NKAIN3: variants seen among roughly 807,000 people sequenced by gnomAD.
NKAIN3 encodes the protein sodium/potassium transporting ATPase interacting 3.
In NKAIN3, 25 loss-of-function variants were observed where a neutral mutation model predicts 30.2. The observed-to-expected ratio is 0.83, with a 90% CI of 0.60 to 1.16. The LOEUF is 1.16. Ranked by LOEUF, NKAIN3 falls within the 50% of genes most tolerant of loss-of-function variation. The probability of loss-of-function intolerance (pLI) is 0.00; values close to 1 mark genes in which losing one functional copy is unlikely to be tolerated. For missense variants in NKAIN3, 225 were observed against 254.1 expected, an observed-to-expected ratio of 0.89 and a Z score of 0.78; for synonymous variants, 91 against 89.6, an observed-to-expected ratio of 1.02 and a Z score of -0.09.
chr8:62,585,513 T>G (rs1354954469), intron 2 of NKAIN3, among the ~76,000 whole-genome samples: 3 of 152,132 alleles, frequency 2.0e-5, no homozygotes, highest in African/African-American at 4.8e-5. Context: ...TGGAAGACAA[T>G]TTTTCCAGAG....
chr8:62,429,255 G>A (rs1287069064), intron 1 of NKAIN3, among the ~76,000 whole-genome samples: 1 of 151,702 alleles, frequency 6.6e-6, no homozygotes, highest in Non-Finnish European at 1.5e-5. Flanking sequence ...TGTCATATAT[G>A]GCCTTTATTG....
chr8:62,709,475 C>T (rs1337199388), intron 3 of NKAIN3, among the ~76,000 whole-genome samples: 1 of 152,144 alleles, frequency 6.6e-6, no homozygotes, highest in Non-Finnish European at 1.5e-5. Flanking sequence ...AGGAATTTAT[C>T]CATCTCGTCT....
intron 3 of NKAIN3, among the ~76,000 whole-genome samples, chr8:62,597,712 C>T (rs561341805): frequency 5.9e-5 from 9 of 152,004 alleles, no homozygotes; most frequent in African/African-American, 1.7e-4. Flanking sequence ...TCATCATTTT[C>T]GGCACATACT....
intron 4 of NKAIN3, among the ~76,000 whole-genome samples, chr8:62,845,826 TC>T (rs767302727): frequency 2.0e-5 from 3 of 152,072 alleles, no homozygotes; most frequent in Non-Finnish European, 2.9e-5. Context: ...TTCTGACCAA[TC>T]CTTTTTGTTC....
chr8:62,954,786 T>C (rs1823377309), intron 6 of NKAIN3, among the ~76,000 whole-genome samples: 1 of 152,210 alleles, frequency 6.6e-6, no homozygotes, highest in Non-Finnish European at 1.5e-5. Context: ...CTAATTAATA[T>C]TCCCACTTTA....
At chr8:62,863,129 C>T in intron 4 of NKAIN3, 1 of 1,445,768 alleles carries the variant, frequency 6.9e-7, no homozygotes. Flanking sequence ...GAAGGTGCAG[C>T]TGAGGTGATG....
In NKAIN3 at chr8:62,452,586, G is replaced by A. The variant is rs116219794; in HGVS notation, c.55-126953G>A. On this transcript the variant is annotated intron_variant, in intron 1 of 6. Transcript: ENST00000623646. ...CCAATGTGAGGCTTAAATATTGAAG[G>A]TGTTCTCTGGAACACAGTAATTATG... Among the ~76,000 whole-genome samples the A allele has an allele frequency of 6.4e-3, 975 of 152,198 alleles. 10 individuals are homozygous for A. The highest frequency in any genetic ancestry group is 0.023 in the African/African-American group (935 of 41,528).
At chr8:62,682,308 A>G (rs954777109) in intron 3 of NKAIN3, among the ~76,000 whole-genome samples, 1 of 152,086 alleles carries the variant, frequency 6.6e-6, no homozygotes, top group Admixed American at 6.5e-5. Flanking sequence ...GGAGTAGAGG[A>G]AGCAGCAGGA....
intron 3 of NKAIN3, among the ~76,000 whole-genome samples, chr8:62,719,460 C>T (rs1473424429): frequency 1.3e-5 from 2 of 152,168 alleles, no homozygotes; most frequent in Non-Finnish European, 2.9e-5. Flanking sequence ...TTTGTGTTGA[C>T]CAGAACCCTG....
At chr8:62,382,746 C>T (rs1817315422) in intron 1 of NKAIN3, among the ~76,000 whole-genome samples, 1 of 152,066 alleles carries the variant, frequency 6.6e-6, no homozygotes, top group East Asian at 1.9e-4. Flanking sequence ...GTTGTCTTCT[C>T]CTCTGGTGTG....
At chr8:62,829,489 C>T (rs1245123581) in intron 4 of NKAIN3, among the ~76,000 whole-genome samples, 3 of 152,076 alleles carry the variant, frequency 2.0e-5, no homozygotes, top group Non-Finnish European at 2.9e-5. Flanking sequence ...AGAGAGGTCC[C>T]TGAAGTGGGC....
At chr8:62,622,678 T>C (rs1279752804) in intron 3 of NKAIN3, among the ~76,000 whole-genome samples, 2 of 152,058 alleles carry the variant, frequency 1.3e-5, no homozygotes, top group South Asian at 2.1e-4. Context: ...TACTAGTCTT[T>C]TGTCAGAGAT....
intron 3 of NKAIN3, among the ~76,000 whole-genome samples, chr8:62,653,748 A>G (rs1812690903): frequency 6.6e-6 from 1 of 152,114 alleles, no homozygotes; most frequent in Admixed American, 6.6e-5. Context: ...GCTCATGATG[A>G]AAAAGGGTCC....
intron 1 of NKAIN3, among the ~76,000 whole-genome samples, chr8:62,510,464 C>T (rs1807784000): frequency 6.6e-6 from 1 of 152,076 alleles, no homozygotes; most frequent in African/African-American, 2.4e-5. Context: ...ACCATGACAA[C>T]TCACGGCAGT....
intron 3 of NKAIN3, among the ~76,000 whole-genome samples, chr8:62,725,397 T>C (rs1172722428): frequency 6.6e-6 from 1 of 152,192 alleles, no homozygotes; most frequent in Non-Finnish European, 1.5e-5. Context: ...ATTGCCCATT[T>C]TTGCTTTGGT....
chr8:62,863,164 G>T, intron 4 of NKAIN3: 2 of 1,519,484 alleles, frequency 1.3e-6, no homozygotes, highest in Non-Finnish European at 1.8e-6. Flanking sequence ...TTTCCTTTCG[G>T]CTTCTTGCTC....
intron 1 of NKAIN3, among the ~76,000 whole-genome samples, chr8:62,336,862 G>A (rs979962763): frequency 2.6e-5 from 4 of 152,028 alleles, no homozygotes; most frequent in African/African-American, 7.2e-5. Flanking sequence ...GGGCCAGAAG[G>A]TATGTATTTT....
In NKAIN3 at chr8:62,660,509, C is replaced by T. The variant is rs533600066; in HGVS notation, c.273+70715C>T. Among the ~76,000 whole-genome samples, 133 of 151,476 alleles carry T rather than the reference C, an allele frequency of 8.8e-4. No homozygotes were observed. The Middle Eastern group carries it at 0.01, about 12-fold the overall frequency. On this transcript the variant is annotated intron_variant, in intron 3 of 6. Coordinates refer to ENST00000623646, the MANE Select transcript of NKAIN3 (RefSeq NM_001304533.3). Reference sequence around the variant, plus strand: ...ACACCTGGTGTTATATTAGTAGAGACGAAGACCCAGAAAACTTCATTGTAT... The same window carrying T: ...ACACCTGGTGTTATATTAGTAGAGATGAAGACCCAGAAAACTTCATTGTAT...
intron 1 of NKAIN3, among the ~76,000 whole-genome samples, chr8:62,405,788 C>G (rs1039950607): frequency 6.6e-6 from 1 of 152,138 alleles, no homozygotes; most frequent in Non-Finnish European, 1.5e-5. Flanking sequence ...TTGGTGTTCC[C>G]ATGGAGATGA....
Sources: allele counts gnomAD v4.1 joint callset (sites outside exome capture counted in the v4.1 genomes callset), GRCh38; gene constraint gnomAD v4.1.1; transcripts MANE v1.5; gene names NCBI Gene and HGNC (gene_info 2026-07-23, HGNC 2026-07-21).